Variants in AVEN observed in about 807,000 individuals in gnomAD.
AVEN encodes the protein apoptosis and caspase activation inhibitor.
Under a neutral mutation model 38.1 loss-of-function variants are expected in AVEN, and 41 were observed. That is an observed-to-expected ratio of 1.08 (90% CI 0.84 to 1.40). The LOEUF (loss-of-function observed/expected upper bound fraction) is 1.40. Ranked by LOEUF, AVEN falls within the 40% of genes most tolerant of loss-of-function variation. AVEN has a pLI of 0.00. For missense variants in AVEN, 605 were observed against 438.8 expected (o/e 1.38, Z -3.38); for synonymous variants, 206 against 171.8 (o/e 1.20, Z -1.56).
intron 1 of AVEN, among the ~76,000 whole-genome samples, chr15:34,031,168 ATT>A (rs34414446): frequency 3.0e-5 from 2 of 67,590 alleles, no homozygotes; most frequent in Admixed American, 2.4e-4. Flanking sequence ...GCTTAGGTTA[ATT>A]TTTTTTTTTT....
chr15:34,006,661 C>G (rs1001527539), intron 1 of AVEN, among the ~76,000 whole-genome samples: 4 of 152,156 alleles, frequency 2.6e-5, no homozygotes, highest in Admixed American at 2.6e-4. Context: ...ATAGGCTGAT[C>G]CTTATGCATA....
chr15:33,863,427 C>A (rs1889247812), downstream of AVEN, among the ~76,000 whole-genome samples: 1 of 152,072 alleles, frequency 6.6e-6, no homozygotes, highest in Admixed American at 6.5e-5. Flanking sequence ...ACTCTCCACC[C>A]TCAGAAGGAC....
At chr15:33,975,802 T>C (rs1895859090) in intron 2 of AVEN, among the ~76,000 whole-genome samples, 1 of 152,114 alleles carries the variant, frequency 6.6e-6, no homozygotes, top group Non-Finnish European at 1.5e-5. Context: ...TGGTGGCACA[T>C]GCCTGTAGTC....
chr15:34,071,596 T>C (rs1472157218), intron 1 of AVEN, among the ~76,000 whole-genome samples: 2 of 152,098 alleles, frequency 1.3e-5, no homozygotes, highest in Non-Finnish European at 2.9e-5. Context: ...TTTTAGTAGT[T>C]CCATGTGTAT....
intron 1 of AVEN, among the ~76,000 whole-genome samples, chr15:34,021,038 A>C (rs577263489): frequency 6.6e-6 from 1 of 152,304 alleles, no homozygotes; most frequent in African/African-American, 2.4e-5. Flanking sequence ...AAATGATTTC[A>C]TGTATGCTTC....
intron 1 of AVEN, among the ~76,000 whole-genome samples, chr15:34,005,297 T>C (rs936884922): frequency 2.6e-4 from 39 of 152,132 alleles, no homozygotes; most frequent in African/African-American, 9.4e-4. Context: ...CAGTATCCAA[T>C]CCAGGACCAG....
chr15:34,011,457 A>C lies in AVEN; in HGVS notation c.268-8248T>G, dbSNP rs137864356. Reference sequence around the variant, plus strand: ...TATATGTGAATTATCTCTTGATCCCAGAACAATGTACATAATAATAAATAA... The same window carrying C: ...TATATGTGAATTATCTCTTGATCCCCGAACAATGTACATAATAATAAATAA... On this transcript the variant is annotated intron_variant, in intron 1 of 5. Coordinates refer to ENST00000306730, the MANE Select transcript of AVEN (RefSeq NM_020371.3). 2.2e-3 allele frequency among the ~76,000 whole-genome samples: 331 copies of C among 152,360 alleles called. 3 individuals are homozygous for C. The highest frequency in any genetic ancestry group is 0.016 in the South Asian group (78 of 4,828).
chr15:34,062,793 A>G, intron 5 of AVEN: 1 of 1,614,200 alleles, frequency 6.2e-7, no homozygotes, highest in Non-Finnish European at 8.5e-7. Context: ...GGAACGCCAC[A>G]GGTTGTGGGA....
upstream of AVEN, among the ~76,000 whole-genome samples, chr15:34,075,268 G>A (rs2140861110): frequency 6.6e-6 from 1 of 151,968 alleles, no homozygotes; most frequent in East Asian, 1.9e-4. Context: ...GTTCCGCATG[G>A]CTTGGGAGGC....
At chr15:34,053,314 A>T (rs1285267651) in intron 5 of AVEN, among the ~76,000 whole-genome samples, 9 of 108,248 alleles carry the variant, frequency 8.3e-5, no homozygotes, top group African/African-American at 3.1e-4. Context: ...AAAAAAAAAA[A>T]AAAAAATATA....
chr15:34,022,414 AT>A (rs1396963619), intron 1 of AVEN, among the ~76,000 whole-genome samples: 3 of 152,210 alleles, frequency 2.0e-5, no homozygotes, highest in African/African-American at 7.2e-5. Context: ...AAAATATTTA[AT>A]TAAAAGAAAG....
intron 1 of AVEN, among the ~76,000 whole-genome samples, chr15:34,017,974 T>C (rs974313449): frequency 4.6e-5 from 7 of 152,306 alleles, no homozygotes; most frequent in African/African-American, 1.7e-4. Context: ...ACAAACCTAC[T>C]ACATTACCAG....
chr15:34,029,138 C>G (rs66530874), intron 1 of AVEN, among the ~76,000 whole-genome samples: 23,147 of 152,094 alleles, frequency 0.15, 2,119 homozygotes, highest in Middle Eastern at 0.28. Context: ...ACCTTCCCCT[C>G]TCCATCCAGG....
intron 2 of AVEN, among the ~76,000 whole-genome samples, chr15:33,961,721 G>A (rs1013278576): frequency 6.7e-6 from 1 of 148,536 alleles, no homozygotes; most frequent in Non-Finnish European, 1.5e-5. Flanking sequence ...GCTGAGGCAG[G>A]AGAATGGCGT....
Position 33,866,326 on chromosome 15 carries a change from A to G in AVEN, c.*287T>C, listed in dbSNP as rs941463878. 1 of 425,032 alleles carries G rather than the reference A, an allele frequency of 2.4e-6. No individual in the cohort carries two copies. Among genetic ancestry groups the G allele is most frequent in the Middle Eastern group, 6.6e-4 (1 of 1,522 alleles). The allele number at this position is 425,032 out of a possible 1,614,324, so 26.3% of individuals were successfully genotyped here. On this transcript the variant is annotated 3_prime_UTR_variant, in exon 6 of 6. Coordinates refer to ENST00000306730, the MANE Select transcript of AVEN (RefSeq NM_020371.3). Reference sequence around the variant, plus strand: ...ATCTGCTATGCTGTAAACACTGGCTATGTTGTAAACACTGCAAGGAAGGAG... The same window carrying G: ...ATCTGCTATGCTGTAAACACTGGCTGTGTTGTAAACACTGCAAGGAAGGAG...
At chr15:33,861,546 T>G (rs925087721), downstream of AVEN, among the ~76,000 whole-genome samples, 1 of 152,030 alleles carries the variant, frequency 6.6e-6, no homozygotes, top group Non-Finnish European at 1.5e-5. Flanking sequence ...ACTATTGCCC[T>G]ACTTCTTTTT....
At chr15:33,910,516 A>C (rs1189354548) in intron 2 of AVEN, among the ~76,000 whole-genome samples, 2 of 152,236 alleles carry the variant, frequency 1.3e-5, no homozygotes, top group African/African-American at 4.8e-5. Context: ...TCATGTAATT[A>C]TCCTATAGCC....
chr15:34,047,430 G>T (rs532870632), intron 5 of AVEN, among the ~76,000 whole-genome samples: 58 of 152,262 alleles, frequency 3.8e-4, no homozygotes, highest in Non-Finnish European at 6.2e-4. Flanking sequence ...AAGGCGGGAG[G>T]TCCATCTGCA....
At chr15:33,984,954 T>C (rs987619445) in intron 2 of AVEN, among the ~76,000 whole-genome samples, 2 of 151,948 alleles carry the variant, frequency 1.3e-5, no homozygotes, top group African/African-American at 4.8e-5. Flanking sequence ...AACCAACCAA[T>C]ATTTTCACCT....
Sources: allele counts gnomAD v4.1 joint callset (sites outside exome capture counted in the v4.1 genomes callset), GRCh38; gene constraint gnomAD v4.1.1; transcripts MANE v1.5; gene names NCBI Gene and HGNC (gene_info 2026-07-23, HGNC 2026-07-21).